COG1: variants seen among roughly 807,000 people sequenced by gnomAD.
The protein encoded by COG1 is component of oligomeric golgi complex 1.
A neutral mutation model predicts 102.2 loss-of-function variants in COG1; 61 were observed. The ratio of observed to expected loss-of-function variants is 0.60; its 90% CI spans 0.49 to 0.74. The LOEUF (loss-of-function observed/expected upper bound fraction) is 0.74. COG1 is among the 30% of genes least tolerant of loss of function. COG1 has a pLI of 0.00. For synonymous variants in COG1, 454 were observed against 493.6 expected (o/e 0.92, Z 1.06); for missense variants, 1,164 against 1,232.1 (o/e 0.94, Z 0.83).
At chr17:73,207,501 C>A in intron 13 of COG1, 2 of 622,652 alleles carry the variant, frequency 3.2e-6, no homozygotes, top group East Asian at 3.3e-5. Context: ...ATATACAGGA[C>A]AGGGTGGAGA....
chr17:73,204,165 T>C (rs1000096890), intron 9 of COG1, among the ~76,000 whole-genome samples: 1 of 152,000 alleles, frequency 6.6e-6, no homozygotes, highest in African/African-American at 2.4e-5. Context: ...CCCTGTCTCT[T>C]AAAAAGACAA....
At chr17:73,196,374 G>C in intron 1 of COG1, 133 bp from the exon 2 acceptor site, 12 of 1,317,516 alleles carry the variant, frequency 9.1e-6, no homozygotes, top group Non-Finnish European at 1.3e-5. Flanking sequence ...TTGATGACTT[G>C]CTGAGTTGTA....
chr17:73,206,959 G>T lies in COG1; in HGVS notation c.2729+142G>T, dbSNP rs542606574. 2.5e-4 allele frequency: 186 copies of T among 733,078 alleles called. 1 individual carries two copies. The highest frequency in any genetic ancestry group is 1.5e-3 in the Admixed American group (66 of 43,700). The allele number at this position is 733,078 out of a possible 1,614,324, so 45.4% of individuals were successfully genotyped here. ...AATACAAAAAATTAGCTGGCCTGGT[G>T]GCAGGTGCCTATAGTCCCAGCTATT... On this transcript the variant is annotated intron_variant, in intron 12 of 13. Transcript: ENST00000299886.
chr17:73,202,111 G>C (rs1323308463), intron 7 of COG1, among the ~76,000 whole-genome samples: 1 of 150,490 alleles, frequency 6.6e-6, no homozygotes, highest in East Asian at 2.0e-4. Context: ...GCCAAGATGG[G>C]CAGATCGCGA....
At chr17:73,206,647 T>C in intron 11 of COG1, 61 bp from the exon 12 acceptor site, 1 of 1,138,076 alleles carries the variant, frequency 8.8e-7, no homozygotes, top group Non-Finnish European at 1.3e-6. Flanking sequence ...CCTTTTTTTT[T>C]TTTTTTTTGC....
At chr17:73,205,361 G>A (rs2061364272) in intron 9 of COG1, 192 bp from the exon 10 acceptor site, 1 of 646,096 alleles carries the variant, frequency 1.5e-6, no homozygotes, top group Non-Finnish European at 2.8e-6. Context: ...CTGCTGTTAG[G>A]TTTTTAATTT....
At chr17:73,207,135 A>G (rs773286916) in intron 12 of COG1, 46 bp from the exon 13 acceptor site, 8 of 1,404,632 alleles carry the variant, frequency 5.7e-6, no homozygotes, top group Non-Finnish European at 8.0e-6. Context: ...GCTGGGCCCC[A>G]GAGCTGCCTG....
chr17:73,200,159 T>C, intron 5 of COG1, 138 bp downstream of exon 5: 8 of 1,058,892 alleles, frequency 7.6e-6, no homozygotes, highest in Non-Finnish European at 1.1e-5. Context: ...AGCCTCTCAC[T>C]CTGTGACCCA....
rs769327208 is a variant in COG1 at position 73,206,780 on chromosome 17, C to T, written c.2692C>T (p.Pro898Ser). 56 of 1,613,534 alleles carry T rather than the reference C, an allele frequency of 3.5e-5. No individual in the cohort carries two copies. Among genetic ancestry groups the T allele is most frequent in the Admixed American group, 6.7e-5 (4 of 59,920 alleles). Residue 898 changes from proline to serine, a missense_variant, in exon 12 of 14, where the codon CCC (proline) becomes TCC (serine). Coordinates refer to ENST00000299886, the MANE Select transcript of COG1 (RefSeq NM_018714.3). Reference sequence around the variant, plus strand: ...GAGCAGTACGTTCAACTCCCAAGAACCCCATAACATCCTGCCACTGGCATC... The same window carrying T: ...GAGCAGTACGTTCAACTCCCAAGAATCCCATAACATCCTGCCACTGGCATC... ...PRSSTFNSQE[P>S]HNILPLASSQ... is the part of the protein sequence containing the mutation.
chr17:73,203,918 C>T (rs1031456251), intron 9 of COG1, 125 bp downstream of exon 9: 26 of 1,081,552 alleles, frequency 2.4e-5, no homozygotes, highest in Middle Eastern at 2.8e-4. Context: ...GCCCAGGCAT[C>T]GGGTCCTGTA....
chr17:73,193,099 G>C lies in COG1; in HGVS notation c.30G>C (p.Leu10=). 2 of 1,606,486 alleles carry C rather than the reference G, an allele frequency of 1.2e-6. No homozygotes were observed. The highest frequency in any genetic ancestry group is 2.2e-5 in the South Asian group (2 of 90,850). MATAATSPA[L]KRLDLRDPAA... ...CCACCGCGGCAACCTCACCCGCGCT[G>C]AAGCGGCTGGATCTGCGCGACCCTG... is the stretch of plus-strand genomic sequence containing the variant. The change falls in exon 1 of 14, where the codon CTG becomes CTC. Residue 10 remains leucine (L), a synonymous_variant. Coordinates refer to ENST00000299886, the MANE Select transcript of COG1 (RefSeq NM_018714.3).
intron 6 of COG1, 91 bp downstream of exon 6, chr17:73,200,867 A>G (rs2061344135): frequency 6.6e-6 from 8 of 1,221,284 alleles, no homozygotes; most frequent in South Asian, 2.5e-5. Context: ...CTTCCCAAGT[A>G]TATTCTTTTC....
intron 9 of COG1, chr17:73,205,073 G>A (rs2061362557): frequency 4.8e-6 from 1 of 209,832 alleles, no homozygotes; most frequent in African/African-American, 2.4e-5. Context: ...TGAGGCAGGA[G>A]AATTGCTTGA....
At chr17:73,202,827 C>A in intron 7 of COG1, 173 bp from the exon 8 acceptor site, 1 of 720,532 alleles carries the variant, frequency 1.4e-6, no homozygotes, top group South Asian at 1.5e-5. Flanking sequence ...GGGTAGTTAG[C>A]AACAAAATTC....
At chr17:73,207,092 CAAAAAAAAAAA>C in intron 12 of COG1, 78 bp from the exon 13 acceptor site, 1 of 832,222 alleles carries the variant, frequency 1.2e-6, no homozygotes, top group Non-Finnish European at 1.8e-6. Context: ...GACTCTGTCT[CAAAAAAAAAAA>C]AAAAAAAAAA....
Position 73,201,232 on chromosome 17 carries a change from TACA to T in COG1, c.1409_1411del (p.Asn470del), listed in dbSNP as rs1354666647. 1.5e-5 allele frequency: 25 copies of T among 1,613,954 alleles called. No individual in the cohort carries two copies. The highest frequency in any genetic ancestry group is 2.0e-5 in the Non-Finnish European group (24 of 1,180,004). On this transcript the variant is annotated inframe_deletion, in exon 7 of 14. Transcript: ENST00000299886. ...TTCAAATAAGCACATCCACTTTGAG[TACA>T]ACATGTCGCTCTTCCTCTGGTCTGA...
chr17:73,205,473 A>T (rs2061365005), intron 9 of COG1, 80 bp from the exon 10 acceptor site: 3 of 1,521,960 alleles, frequency 2.0e-6, no homozygotes, highest in Non-Finnish European at 9.1e-7. Context: ...CTGAAACTCA[A>T]CCAAAACTTG....
rs759447552 is a variant in COG1, at chr17:73,197,344, A to G, written c.861A>G (p.Pro287=). The part of the protein sequence containing the change: ...PEGLLPDPAL[P]CGLLFSTLET... ...GACTGCTGCCAGATCCAGCCCTGCC[A>G]TGTGGCTTGCTCTTCTCTACTCTGG... The change falls in exon 4 of 14, where the codon CCA becomes CCG. Residue 287 remains proline (P), a synonymous_variant. Coordinates refer to ENST00000299886, the MANE Select transcript of COG1 (RefSeq NM_018714.3). The G allele has an allele frequency of 8.1e-6, 13 of 1,614,194 alleles. No individual in the cohort carries two copies. Among genetic ancestry groups the G allele is most frequent in the Non-Finnish European group, 1.0e-5 (12 of 1,180,032 alleles).
chr17:73,196,472 G>A (rs372384415), intron 1 of COG1, 35 bp from the exon 2 acceptor site: 12 of 1,613,742 alleles, frequency 7.4e-6, no homozygotes, highest in African/African-American at 4.0e-5. Context: ...GCTTTTGTTC[G>A]TTCTTCTGGT....
Sources: allele counts gnomAD v4.1 joint callset (sites outside exome capture counted in the v4.1 genomes callset), GRCh38; gene constraint gnomAD v4.1.1; transcripts MANE v1.5; gene names NCBI Gene and HGNC (gene_info 2026-07-23, HGNC 2026-07-21).